The following NAALADL2 variants were observed in gnomAD, a reference collection of about 807,000 sequenced individuals.
NAALADL2 encodes the protein N-acetylated alpha-linked acidic dipeptidase like 2.
In NAALADL2, 76 loss-of-function variants were observed where a neutral mutation model predicts 87.2. The observed-to-expected ratio is 0.87, with a 90% CI of 0.72 to 1.05. NAALADL2 has a LOEUF of 1.05. Ranked by LOEUF, NAALADL2 falls within the 50% of genes least tolerant of loss-of-function variation. The pLI, the probability that NAALADL2 is intolerant of heterozygous loss-of-function variation, is 0.00. For synonymous variants in NAALADL2, 354 were observed against 331.0 expected (o/e 1.07, Z -0.75); for missense variants, 1,089 against 945.8 (o/e 1.15, Z -1.99).
At chr3:175,751,960 C>A (rs1746676879) in intron 12 of NAALADL2, among the ~76,000 whole-genome samples, 1 of 151,868 alleles carries the variant, frequency 6.6e-6, no homozygotes, top group African/African-American at 2.4e-5. Flanking sequence ...CTTTATTTTG[C>A]AACTATAATG....
intron 1 of NAALADL2, among the ~76,000 whole-genome samples, chr3:174,877,335 A>G (rs1347611940): frequency 2.0e-5 from 3 of 152,122 alleles, no homozygotes; most frequent in Non-Finnish European, 2.9e-5. Context: ...TGGCCAGTGT[A>G]TCCTTAGGGA....
chr3:175,267,691 T>A (rs1368488698), intron 4 of NAALADL2, among the ~76,000 whole-genome samples: 2 of 152,150 alleles, frequency 1.3e-5, no homozygotes, highest in African/African-American at 4.8e-5. Context: ...AGTTCTGACA[T>A]GAGTGGTCTT....
chr3:175,082,680 A>C (rs568928206), intron 1 of NAALADL2, among the ~76,000 whole-genome samples: 2 of 152,194 alleles, frequency 1.3e-5, no homozygotes, highest in Non-Finnish European at 2.9e-5. Context: ...ATAACTAAAA[A>C]TATTTTCTTT....
intron 11 of NAALADL2, among the ~76,000 whole-genome samples, chr3:175,686,773 C>A (rs1439335138): frequency 6.6e-6 from 1 of 152,100 alleles, no homozygotes; most frequent in Non-Finnish European, 1.5e-5. Flanking sequence ...TTTTCCGTGA[C>A]TATTTGCAAA....
chr3:174,796,379 T>C (rs929793075), intron 3 of NAALADL2, among the ~76,000 whole-genome samples: 1 of 152,132 alleles, frequency 6.6e-6, no homozygotes, highest in African/African-American at 2.4e-5. Flanking sequence ...TCCCAAATGC[T>C]TTCCACCCTT....
intron 4 of NAALADL2, among the ~76,000 whole-genome samples, chr3:175,323,287 A>G (rs1581417688): frequency 1.5e-5 from 2 of 135,820 alleles, no homozygotes; most frequent in African/African-American, 2.8e-5. Flanking sequence ...GAATTGAACA[A>G]TGAGATCACA....
chr3:174,878,788 A>G (rs1219369338), intron 1 of NAALADL2, among the ~76,000 whole-genome samples: 3 of 151,930 alleles, frequency 2.0e-5, no homozygotes, highest in African/African-American at 7.2e-5. Context: ...TTTTTTTCAT[A>G]CCTCAGAAGA....
At chr3:175,246,730 GT>G (rs1262958969) in intron 3 of NAALADL2, among the ~76,000 whole-genome samples, 1 of 152,024 alleles carries the variant, frequency 6.6e-6, no homozygotes, top group African/African-American at 2.4e-5. Flanking sequence ...GCTAAGAGTG[GT>G]TTTTCCATTC....
chr3:175,560,088 A>AT (rs1195318106), intron 9 of NAALADL2, among the ~76,000 whole-genome samples: 2 of 152,138 alleles, frequency 1.3e-5, no homozygotes, highest in East Asian at 3.9e-4. Flanking sequence ...TTGCAGGGAC[A>AT]TTTTTTTATT....
intron 2 of NAALADL2, among the ~76,000 whole-genome samples, chr3:174,647,467 G>C (rs1040429800): frequency 3.9e-5 from 6 of 152,186 alleles, no homozygotes; most frequent in Non-Finnish European, 7.3e-5. Flanking sequence ...CTTGGTTTGA[G>C]CTACTTTGGG....
intron 3 of NAALADL2, among the ~76,000 whole-genome samples, chr3:174,807,544 G>T (rs1239977141): frequency 1.3e-5 from 2 of 151,996 alleles, no homozygotes; most frequent in African/African-American, 4.8e-5. Context: ...TATTTGACAT[G>T]TTGCCATGCT....
At chr3:175,154,650 C>T (rs1026669018) in intron 2 of NAALADL2, among the ~76,000 whole-genome samples, 1 of 152,082 alleles carries the variant, frequency 6.6e-6, no homozygotes, top group African/African-American at 2.4e-5. Flanking sequence ...CATTTTACTT[C>T]TGGATAGTTG....
chr3:174,845,493 A>G (rs1017779567), intron 3 of NAALADL2, among the ~76,000 whole-genome samples: 3 of 152,148 alleles, frequency 2.0e-5, no homozygotes, highest in Admixed American at 6.5e-5. Context: ...GTAGGGCAAG[A>G]CCATTTCCCC....
At position 174,779,232 on chromosome 3, in the gene NAALADL2, A is replaced by G. The variant is rs563685905; in HGVS notation, c.-9+41486A>G. On this transcript the variant is annotated intron_variant, in intron 3 of 3. Coordinates refer to the NAALADL2 transcript ENST00000434257. ...ATTTGCATTTCTCTAATGACCAGTG[A>G]TGATGAGCTTTTTTTCATATGTTTG... Among the ~76,000 whole-genome samples, 10 of 152,242 alleles carry G rather than the reference A, an allele frequency of 6.6e-5. No homozygotes were observed. In the East Asian group the frequency reaches 1.9e-3, roughly 29 times the overall value.
chr3:174,758,225 C>T (rs1291661631), intron 3 of NAALADL2, among the ~76,000 whole-genome samples: 1 of 152,150 alleles, frequency 6.6e-6, no homozygotes, highest in Admixed American at 6.6e-5. Flanking sequence ...TATTTTCTTT[C>T]TTTCTAGGTA....
chr3:175,194,046 T>G (rs1286284709), intron 2 of NAALADL2, among the ~76,000 whole-genome samples: 1 of 151,894 alleles, frequency 6.6e-6, no homozygotes, highest in African/African-American at 2.4e-5. Context: ...TATGTACGTG[T>G]GTTGGTTTGT....
intron 11 of NAALADL2, among the ~76,000 whole-genome samples, chr3:175,697,804 TA>T (rs2149945795): frequency 1.4e-5 from 2 of 143,436 alleles, no homozygotes; most frequent in South Asian, 4.3e-4. Context: ...TATATGTATA[TA>T]TATTTATGTA....
At chr3:175,444,471 C>T (rs749426189) in intron 5 of NAALADL2, among the ~76,000 whole-genome samples, 15 of 152,132 alleles carry the variant, frequency 9.9e-5, no homozygotes, top group Non-Finnish European at 2.1e-4. Flanking sequence ...TGAAAATCCC[C>T]TTTGGTTTAC....
At chr3:174,607,731 C>A (rs1238022283) in intron 2 of NAALADL2, among the ~76,000 whole-genome samples, 1 of 151,986 alleles carries the variant, frequency 6.6e-6, no homozygotes, top group East Asian at 1.9e-4. Flanking sequence ...ACTTTAACAC[C>A]CCCCTGTCAA....
Sources: gnomAD v4.1 joint callset for allele counts (sites outside exome capture counted in the v4.1 genomes callset) on GRCh38, gnomAD v4.1.1 for gene constraint, MANE v1.5 for transcripts, NCBI Gene and HGNC (gene_info 2026-07-23, HGNC 2026-07-21) for gene names.